Variants in LIG4 observed in about 807,000 individuals in gnomAD.
LIG4 encodes DNA joinase.
A neutral mutation model predicts 19.0 loss-of-function variants in LIG4; 13 were observed. The observed-to-expected ratio is 0.68, with a 90% CI of 0.44 to 1.09. The LOEUF (loss-of-function observed/expected upper bound fraction) is 1.09, where lower values mean the gene tolerates loss of function less well. Ranked by LOEUF, LIG4 falls within the 50% of genes least tolerant of loss-of-function variation. The pLI, the probability that LIG4 is intolerant of heterozygous loss-of-function variation, is 0.00. For missense variants in LIG4, 1,026 were observed against 1,089.7 expected (o/e 0.94, Z 0.82); for synonymous variants, 361 against 358.2 (o/e 1.01, Z -0.09).
chr13:108,211,387 TAATA>T (rs1878654729), intron 2 of LIG4, 91 bp from the exon 3 acceptor site: 2 of 780,990 alleles, frequency 2.6e-6, no homozygotes, highest in African/African-American at 1.7e-5. Flanking sequence ...ACTGAGATCA[TAATA>T]AATGTTTATT....
In LIG4 at chr13:108,210,535, G is replaced by T. The variant is rs1446791006; in HGVS notation, c.734C>A (p.Ala245Glu). The T allele has an allele frequency of 6.2e-7, 1 of 1,612,246 alleles. No individual in the cohort carries two copies. Among genetic ancestry groups the T allele is most frequent in the Non-Finnish European group, 8.5e-7 (1 of 1,179,906 alleles). ...AATAGCAGCTAGCATTGGTTTAAAT[G>T]CAGAAAATAAAGTGATAGAAATATC... ...LSDISITLFS[A>E]FKPMLAAIAD... The change falls in exon 3 of 3, where the codon GCA becomes GAA. Residue 245 changes from alanine to glutamate, a missense_variant. Around this residue, in one of 3 missense-constraint regions of LIG4, gnomAD observed 493 missense variants for 544.5 expected, o/e 0.91. Transcript: ENST00000442234.
upstream of LIG4, among the ~76,000 whole-genome samples, chr13:108,215,863 T>C (rs1318091988): frequency 6.6e-6 from 1 of 152,150 alleles, no homozygotes; most frequent in African/African-American, 2.4e-5. Flanking sequence ...CAGTGGTAAC[T>C]ATACTGATTT....
At chr13:108,213,536 G>A (rs912693362) in intron 2 of LIG4, among the ~76,000 whole-genome samples, 2 of 152,206 alleles carry the variant, frequency 1.3e-5, no homozygotes, top group East Asian at 1.9e-4. Flanking sequence ...TAAACTAGTC[G>A]TAAGTATTTT....
intron 2 of LIG4, among the ~76,000 whole-genome samples, chr13:108,212,519 G>A (rs1878774053): frequency 6.6e-6 from 1 of 152,098 alleles, no homozygotes; most frequent in Non-Finnish European, 1.5e-5. Flanking sequence ...CAAGTAAAAT[G>A]TATGGTCCAT....
chr13:108,213,336 T>C (rs910535087), intron 2 of LIG4, among the ~76,000 whole-genome samples: 1 of 152,224 alleles, frequency 6.6e-6, no homozygotes, highest in Non-Finnish European at 1.5e-5. Context: ...ATTTCTTTAA[T>C]ATTCAAATAT....
rs373471897 is a variant in LIG4 at position 108,210,350 on chromosome 13, T to G, written c.919A>C (p.Thr307Pro). 6 of 1,613,974 alleles carry G rather than the reference T, an allele frequency of 3.7e-6. No individual in the cohort carries two copies. Among genetic ancestry groups the G allele is most frequent in the Non-Finnish European group, 5.1e-6 (6 of 1,179,936 alleles). The change falls in exon 3 of 3, where the codon ACT becomes CCT. Residue 307 changes from threonine to proline, a missense_variant. Thr to Pro is a conservative substitution (Grantham distance 38). Transcript: ENST00000442234. The part of the protein sequence containing the change: ...NYTDQFGASP[T>P]EGSLTPFIHN... ...ATGAATGGGGTAAGAGAACCTTCAG[T>G]AGGAGAAGCACCAAACTGATCAGTG...
chr13:108,208,745 C>T lies in LIG4; in HGVS notation c.2524G>A (p.Ala842Thr). The T allele has an allele frequency of 6.2e-7, 1 of 1,614,188 alleles. No individual in the cohort carries two copies. The highest frequency in any genetic ancestry group is 1.1e-5 in the South Asian group (1 of 91,074). ...KNEGTRLAIKALELRFHGAKV... is the reference protein window; with the variant it reads ...KNEGTRLAIKTLELRFHGAKV... ...GCTCCATGAAACCGAAGCTCCAAGG[C>T]TTTAATAGCTAACCTTGTCCCCTCA... The change falls in exon 3 of 3, where the codon GCC becomes ACC. Residue 842 changes from alanine (A) to threonine (T), a missense_variant. Ala to Thr is a moderately conservative substitution (Grantham distance 58). Coordinates refer to ENST00000442234, the MANE Select transcript of LIG4 (RefSeq NM_206937.2).
chr13:108,218,219 C>A (rs1393231097), upstream of LIG4: 1 of 152,266 alleles, frequency 6.6e-6, no homozygotes, highest in East Asian at 1.9e-4. Flanking sequence ...CACCTCTTCA[C>A]CACGGAGGCC....
chr13:108,210,526 G>T lies in LIG4; in HGVS notation c.743C>A (p.Pro248Gln). 6.2e-7 allele frequency: 1 copy of T among 1,612,424 alleles called. No individual in the cohort carries two copies. Among genetic ancestry groups the T allele is most frequent in the Non-Finnish European group, 8.5e-7 (1 of 1,179,878 alleles). Residue 248 changes from proline (P) to glutamine (Q), a missense_variant, in exon 3 of 3, where the codon CCA (proline) becomes CAA (glutamine). By Grantham distance (76) the Pro-to-Gln change is moderately conservative. Around this residue, in one of 3 missense-constraint regions of LIG4, gnomAD observed 493 missense variants for 544.5 expected, o/e 0.91. Coordinates refer to ENST00000442234, the MANE Select transcript of LIG4 (RefSeq NM_206937.2). ...AATATCTGCAATAGCAGCTAGCATT[G>T]GTTTAAATGCAGAAAATAAAGTGAT... is the stretch of plus-strand genomic sequence containing the variant. ...ISITLFSAFK[P>Q]MLAAIADIEH...
upstream of LIG4, among the ~76,000 whole-genome samples, chr13:108,217,770 A>C (rs1879385564): frequency 6.6e-6 from 1 of 152,140 alleles, no homozygotes; most frequent in African/African-American, 2.4e-5. Context: ...ACATAGAATA[A>C]GGAAAGCCCA....
Position 108,210,350 on chromosome 13 carries a change from T to C in LIG4, c.919A>G (p.Thr307Ala), listed in dbSNP as rs373471897. The change falls in exon 3 of 3, where the codon ACT becomes GCT. Residue 307 changes from threonine to alanine, a missense_variant. By Grantham distance (58) the Thr-to-Ala change is moderately conservative. Transcript: ENST00000442234. ...ATGAATGGGGTAAGAGAACCTTCAG[T>C]AGGAGAAGCACCAAACTGATCAGTG... is the stretch of plus-strand genomic sequence containing the variant. ...NYTDQFGASPTEGSLTPFIHN... is the reference protein window; with the variant it reads ...NYTDQFGASPAEGSLTPFIHN... 9.3e-6 allele frequency: 15 copies of C among 1,613,856 alleles called. No homozygotes were observed. The highest frequency in any genetic ancestry group is 1.6e-4 in the Middle Eastern group (1 of 6,082).
At chr13:108,217,716 A>AC (rs139318889), upstream of LIG4, among the ~76,000 whole-genome samples, 382 of 151,910 alleles carry the variant, frequency 2.5e-3, 4 homozygotes, top group African/African-American at 8.3e-3. Flanking sequence ...AAAAAAAAAA[A>AC]CCCACAGATT....
chr13:108,212,804 T>C (rs925459465), intron 2 of LIG4, among the ~76,000 whole-genome samples: 10 of 152,114 alleles, frequency 6.6e-5, no homozygotes, highest in Admixed American at 3.3e-4. Flanking sequence ...AATTGTGCTG[T>C]AATTTGTGCT....
upstream of LIG4, among the ~76,000 whole-genome samples, chr13:108,217,278 G>A (rs971919824): frequency 6.6e-6 from 1 of 152,228 alleles, no homozygotes; most frequent in African/African-American, 2.4e-5. Flanking sequence ...CACTTTGGGA[G>A]GCCGAGGTGG....
At position 108,209,385 on chromosome 13, in the gene LIG4, C is replaced by T; in HGVS notation, c.1884G>A (p.Arg628=). The T allele has an allele frequency of 1.9e-6, 3 of 1,614,112 alleles. No homozygotes were observed. Among genetic ancestry groups the T allele is most frequent in the Non-Finnish European group, 2.5e-6 (3 of 1,180,004 alleles). The change falls in exon 3 of 3, where the codon CGG becomes CGA. Residue 628 remains arginine, a synonymous_variant. Coordinates refer to ENST00000442234, the MANE Select transcript of LIG4 (RefSeq NM_206937.2). ...CTTTCTTCATCTTTGGGGCAGCTTT[C>T]CGCTTTTTTTCTTGTGGTTCATCAT... is the stretch of plus-strand genomic sequence containing the variant. ...GGDDEPQEKK[R]KAAPKMKKVI... is the part of the protein sequence containing the mutation.
At chr13:108,212,603 T>G (rs1184454570) in intron 2 of LIG4, among the ~76,000 whole-genome samples, 2 of 151,748 alleles carry the variant, frequency 1.3e-5, no homozygotes, top group Admixed American at 1.3e-4. Context: ...GGCAGTGGAG[T>G]TGGAGAAGTT....
At position 108,210,755 on chromosome 13, in the gene LIG4, G is replaced by T; in HGVS notation, c.514C>A (p.Leu172Ile). ...KRKDLIKKSLLQLITQSSALE... is the reference protein window; with the variant it reads ...KRKDLIKKSLIQLITQSSALE... The stretch of plus-strand genomic sequence containing the variant: ...GCTGAACTCTGAGTTATAAGTTGAA[G>T]AAGGCTCTTTTTTATTAGGTCTTTT... The change falls in exon 3 of 3, where the codon CTT (leucine) becomes ATT (isoleucine). Residue 172 changes from leucine (L) to isoleucine (I), a missense_variant. Physicochemically the swap from Leu to Ile is conservative, Grantham distance 5. This residue lies in a region of LIG4 where 493 missense variants were observed against 544.5 expected (regional missense o/e 0.91). Transcript: ENST00000442234. The T allele has an allele frequency of 6.2e-7, 1 of 1,614,040 alleles. No individual in the cohort carries two copies. The highest frequency in any genetic ancestry group is 1.7e-5 in the Admixed American group (1 of 60,024).
intron 2 of LIG4, among the ~76,000 whole-genome samples, chr13:108,213,392 C>T (rs1479947153): frequency 6.6e-6 from 1 of 152,160 alleles, no homozygotes. Context: ...TACATGGTCT[C>T]AAAGTTAAAG....
upstream of LIG4, among the ~76,000 whole-genome samples, chr13:108,216,145 T>C (rs950812270): frequency 1.3e-5 from 2 of 152,200 alleles, no homozygotes; most frequent in South Asian, 2.1e-4. Context: ...AATAAAGTTA[T>C]TTAACAAACC....
Sources: gnomAD v4.1 joint callset for allele counts (sites outside exome capture counted in the v4.1 genomes callset) on GRCh38, gnomAD v4.1.1 for gene constraint, gnomAD v4.1.1 regional missense constraint, MANE v1.5 for transcripts, NCBI Gene and HGNC (gene_info 2026-07-23, HGNC 2026-07-21) for gene names.